CLINT1: variants seen among roughly 807,000 people sequenced by gnomAD.
CLINT1 encodes the protein clathrin interacting protein localized in the trans-Golgi region.
In CLINT1, 15 loss-of-function variants were observed where a neutral mutation model predicts 70.4. The ratio of observed to expected loss-of-function variants is 0.21; its 90% CI spans 0.14 to 0.33. CLINT1 has a LOEUF of 0.33. CLINT1 is among the 10% of genes least tolerant of loss of function. The pLI, the probability that CLINT1 is intolerant of heterozygous loss-of-function variation, is 1.00. For synonymous variants in CLINT1, 227 were observed against 254.7 expected (o/e 0.89, Z 1.04); for missense variants, 615 against 778.1 (o/e 0.79, Z 2.49).
In CLINT1 at chr5:157,786,018, G is replaced by C. The variant is rs547055993; in HGVS notation, c.*1628C>G. On this transcript the variant is annotated 3_prime_UTR_variant, in exon 12 of 12. Transcript: ENST00000411809. ...CACTCTCATCTCTTATTCAGCAAATGAATCACTTTTCATTACCACTTAGCT... is the reference window on the plus strand; with the variant it reads ...CACTCTCATCTCTTATTCAGCAAATCAATCACTTTTCATTACCACTTAGCT... 1.1e-4 allele frequency: 17 copies of C among 152,098 alleles called. No individual in the cohort carries two copies. Among genetic ancestry groups the C allele is most frequent in the Non-Finnish European group, 1.8e-4 (12 of 67,998 alleles). The allele number at this position is 152,098 out of a possible 1,614,324, so 9.4% of individuals were successfully genotyped here.
In CLINT1 at chr5:157,816,785, A is replaced by G. The variant is rs775584731; in HGVS notation, c.192T>C (p.Leu64=). 6 of 1,611,288 alleles carry G rather than the reference A, an allele frequency of 3.7e-6. No individual in the cohort carries two copies. In the East Asian group the frequency reaches 1.3e-4, roughly 36 times the overall value. Reference sequence around the variant, plus strand: ...TGTTGTCTTTTAACATTCGTGACCAAAGCATGTTCATAAGTTCTGGAAATT... The same window carrying G: ...TGTTGTCTTTTAACATTCGTGACCAGAGCATGTTCATAAGTTCTGGAAATT... ...YEQFPELMNM[L]WSRMLKDNKK... The change falls in exon 3 of 12, where the codon CTT becomes CTC. Residue 64 remains leucine, a synonymous_variant. Coordinates refer to ENST00000411809, the MANE Select transcript of CLINT1 (RefSeq NM_014666.4).
intron 1 of CLINT1, among the ~76,000 whole-genome samples, chr5:157,832,171 T>A (rs965027742): frequency 6.6e-6 from 1 of 151,516 alleles, no homozygotes; most frequent in Admixed American, 6.6e-5. Context: ...TTAGTAGAAA[T>A]GCGGTTTTGC....
intron 1 of CLINT1, among the ~76,000 whole-genome samples, chr5:157,834,852 CTTAA>C (rs1413534615): frequency 1.3e-5 from 2 of 151,890 alleles, no homozygotes; most frequent in African/African-American, 2.4e-5. Flanking sequence ...TTTTAATTAC[CTTAA>C]TATATTGTCA....
intron 1 of CLINT1, among the ~76,000 whole-genome samples, chr5:157,830,073 C>G (rs1310560813): frequency 6.6e-6 from 1 of 152,034 alleles, no homozygotes; most frequent in Non-Finnish European, 1.5e-5. Flanking sequence ...ATCAGCCTTC[C>G]AAGTAGCTGG....
intron 1 of CLINT1, 52 bp downstream of exon 1, chr5:157,858,878 C>CCT (rs1753847990): frequency 1.9e-6 from 1 of 524,900 alleles, no homozygotes; most frequent in East Asian, 6.0e-5. Context: ...TCCTTCTCCC[C>CCT]CTCCCCCCTC....
chr5:157,837,243 T>C (rs1763452825), intron 1 of CLINT1, among the ~76,000 whole-genome samples: 1 of 151,984 alleles, frequency 6.6e-6, no homozygotes, highest in Non-Finnish European at 1.5e-5. Flanking sequence ...CTCTACAAAG[T>C]ATAAAAAAAT....
At chr5:157,825,146 C>T (rs1418232731) in intron 1 of CLINT1, among the ~76,000 whole-genome samples, 2 of 152,032 alleles carry the variant, frequency 1.3e-5, no homozygotes, top group East Asian at 1.9e-4. Context: ...AACAAGATTT[C>T]GGAAAAGAGT....
Position 157,859,018 on chromosome 5 carries a change from G to C in CLINT1, c.-48C>G. On this transcript the variant is annotated 5_prime_UTR_variant, in exon 1 of 12. Transcript: ENST00000411809. ...GCCGCCTCCCTCTCCTGCTCCCCAC[G>C]GACCCCGGAACACTTCCGTACCGGG... 6.2e-7 allele frequency: 1 copy of C among 1,605,502 alleles called. No homozygotes were observed. Among genetic ancestry groups the C allele is most frequent in the Admixed American group, 1.7e-5 (1 of 59,378 alleles).
chr5:157,848,693 G>A (rs1007552540), intron 1 of CLINT1, among the ~76,000 whole-genome samples: 2 of 151,992 alleles, frequency 1.3e-5, no homozygotes, highest in African/African-American at 4.8e-5. Flanking sequence ...ATGCAGTCTC[G>A]TTCTGTTGTC....
chr5:157,808,589 T>C (rs184786055), intron 6 of CLINT1, among the ~76,000 whole-genome samples: 1 of 152,280 alleles, frequency 6.6e-6, no homozygotes, highest in East Asian at 1.9e-4. Context: ...GTAAATTAAG[T>C]GCTATATGCA....
chr5:157,799,968 T>C (rs531386070), intron 8 of CLINT1, among the ~76,000 whole-genome samples: 5 of 152,280 alleles, frequency 3.3e-5, no homozygotes, highest in Admixed American at 3.3e-4. Flanking sequence ...CATGGTCACA[T>C]ACTATGCAGT....
intron 9 of CLINT1, 87 bp from the exon 10 acceptor site, chr5:157,792,082 C>T: frequency 8.8e-7 from 1 of 1,139,532 alleles, no homozygotes. Context: ...CAAATTAGAG[C>T]TGATCTGAGT....
Position 157,787,516 on chromosome 5 carries a change from TTGG to T in CLINT1, c.*127_*129del. 1.2e-6 allele frequency: 1 copy of T among 827,598 alleles called. No individual in the cohort carries two copies. Among genetic ancestry groups the T allele is most frequent in the South Asian group, 1.7e-5 (1 of 57,818 alleles). 51.3% of individuals were successfully genotyped at this position (827,598 alleles called of 1,614,324 possible). On this transcript the variant is annotated 3_prime_UTR_variant, in exon 12 of 12. Coordinates refer to ENST00000411809, the MANE Select transcript of CLINT1 (RefSeq NM_014666.4). Reference sequence around the variant, plus strand: ...ATTTCACTTTTATAAAACAGCCTTTTTGGTTCTTTATGTAGATTTATTTTAATT... The same window carrying T: ...ATTTCACTTTTATAAAACAGCCTTTTTTCTTTATGTAGATTTATTTTAATT...
chr5:157,804,037 T>TA lies in CLINT1; in HGVS notation c.943-319dup, dbSNP rs3836883. Among the ~76,000 whole-genome samples, 615 of 131,330 alleles carry TA rather than the reference T, an allele frequency of 4.7e-3. 4 individuals carry two copies. Among genetic ancestry groups the TA allele is most frequent in the African/African-American group, 0.011 (396 of 36,256 alleles). The allele number at this position is 131,330 out of a possible 152,430, so 86.2% of individuals were successfully genotyped here. ...ATCTTAATGCTAAGTATCAGTTCAT[T>TA]AAAAAAAAAAAAAAAAAAAAATACC... On this transcript the variant is annotated intron_variant, in intron 7 of 11. Coordinates refer to ENST00000411809, the MANE Select transcript of CLINT1 (RefSeq NM_014666.4).
intron 9 of CLINT1, among the ~76,000 whole-genome samples, chr5:157,792,256 A>T (rs920491601): frequency 4.4e-5 from 5 of 114,274 alleles, no homozygotes; most frequent in Non-Finnish European, 8.7e-5. Flanking sequence ...AATTTACCAT[A>T]AAAAAAAATG....
rs10065717 is a variant in CLINT1, at chr5:157,811,921, C to T, written c.517+1142G>A. Among the ~76,000 whole-genome samples, 813 of 152,138 alleles carry T rather than the reference C, an allele frequency of 5.3e-3. 6 individuals carry two copies. Among genetic ancestry groups the T allele is most frequent in the African/African-American group, 0.018 (760 of 41,502 alleles). ...AACTTTGGACTTCCCCAAATAGAAA[C>T]TTCAAAACATTATTTATATGCTTTA... On this transcript the variant is annotated intron_variant, in intron 5 of 11. Transcript: ENST00000411809.
rs112077491 is a variant in CLINT1 at position 157,837,411 on chromosome 5, TAC to T, written c.42-19866_42-19865del. ...AAAGGAAGGATGGAATATATGTAAATACACACACACACACACACACACACACA... is the reference window on the plus strand; with the variant it reads ...AAAGGAAGGATGGAATATATGTAAATACACACACACACACACACACACACA... On this transcript the variant is annotated intron_variant, in intron 1 of 11. Coordinates refer to ENST00000411809, the MANE Select transcript of CLINT1 (RefSeq NM_014666.4). Among the ~76,000 whole-genome samples, 415 of 147,514 alleles carry T rather than the reference TAC, an allele frequency of 2.8e-3. 1 individual carries two copies. Among genetic ancestry groups the T allele is most frequent in the Admixed American group, 3.3e-3 (49 of 14,736 alleles).
intron 1 of CLINT1, among the ~76,000 whole-genome samples, chr5:157,822,572 G>A (rs968672664): frequency 6.6e-6 from 1 of 152,142 alleles, no homozygotes; most frequent in African/African-American, 2.4e-5. Flanking sequence ...AACACAGCCA[G>A]TATTCAGTTA....
At chr5:157,817,574 C>T (rs1229504686) in intron 1 of CLINT1, 27 bp from the exon 2 acceptor site, 1 of 1,409,912 alleles carries the variant, frequency 7.1e-7, no homozygotes, top group Non-Finnish European at 9.9e-7. Flanking sequence ...TGCACGCACA[C>T]ATGCACAAAG....
Sources: allele counts gnomAD v4.1 joint callset (sites outside exome capture counted in the v4.1 genomes callset), GRCh38; gene constraint gnomAD v4.1.1; transcripts MANE v1.5; gene names NCBI Gene and HGNC (gene_info 2026-07-23, HGNC 2026-07-21).